Variants in PPP1R9A observed in about 807,000 individuals in gnomAD.
The protein encoded by PPP1R9A is protein phosphatase 1 regulatory subunit 9A, also known as neurabin-1.
A neutral mutation model predicts 141.9 loss-of-function variants in PPP1R9A; 59 were observed. The ratio of observed to expected loss-of-function variants is 0.42; its 90% CI spans 0.34 to 0.52. PPP1R9A has a LOEUF of 0.52. Ranked by LOEUF, PPP1R9A falls within the 20% of genes least tolerant of loss-of-function variation. PPP1R9A has a pLI of 0.10. For synonymous variants in PPP1R9A, 500 were observed against 569.7 expected (o/e 0.88, Z 1.74); for missense variants, 1,444 against 1,611.9 (o/e 0.90, Z 1.78).
At chr7:95,045,959 A>T (rs1809948538) in intron 2 of PPP1R9A, among the ~76,000 whole-genome samples, 2 of 152,254 alleles carry the variant, frequency 1.3e-5, no homozygotes, top group Admixed American at 1.3e-4. Context: ...AACACATACC[A>T]GGCTACTAAA....
intron 7 of PPP1R9A, among the ~76,000 whole-genome samples, chr7:95,221,606 A>T (rs1794465918): frequency 6.6e-6 from 1 of 152,086 alleles, no homozygotes. Context: ...ATATTAAGTG[A>T]TGTAATATGT....
At chr7:95,184,686 T>C (rs964956601) in intron 5 of PPP1R9A, among the ~76,000 whole-genome samples, 6 of 152,306 alleles carry the variant, frequency 3.9e-5, no homozygotes, top group Non-Finnish European at 8.8e-5. Context: ...CTTCATAGCT[T>C]AGCTCCCACA....
chr7:95,050,325 A>G (rs1031645376), intron 2 of PPP1R9A, among the ~76,000 whole-genome samples: 1 of 152,026 alleles, frequency 6.6e-6, no homozygotes, highest in Non-Finnish European at 1.5e-5. Context: ...TTGTTTTGTT[A>G]TTGTTGGCTT....
chr7:95,265,194 T>G (rs535385296), intron 12 of PPP1R9A, among the ~76,000 whole-genome samples: 1 of 152,286 alleles, frequency 6.6e-6, no homozygotes, highest in East Asian at 1.9e-4. Context: ...CCTTGACATG[T>G]GCTTTTGTTG....
chr7:95,230,447 AATAG>A, intron 8 of PPP1R9A, among the ~76,000 whole-genome samples: 1 of 152,194 alleles, frequency 6.6e-6, no homozygotes, highest in Admixed American at 6.6e-5. Flanking sequence ...TTTTCAGTGA[AATAG>A]ATAGCATAAA....
rs148434849 is a variant in PPP1R9A at position 95,111,325 on chromosome 7, T to A, written c.1462T>A (p.Ser488Thr). 1 of 1,613,602 alleles carries A rather than the reference T, an allele frequency of 6.2e-7. No individual in the cohort carries two copies. Among genetic ancestry groups the A allele is most frequent in the African/African-American group, 1.3e-5 (1 of 75,026 alleles). The change falls in exon 3 of 20, where the codon TCA becomes ACA. Residue 488 changes from serine (S) to threonine (T), a missense_variant. By Grantham distance (58) the Ser-to-Thr change is moderately conservative. Around this residue, in one of 5 missense-constraint regions of PPP1R9A, gnomAD observed 488 missense variants for 542.0 expected, o/e 0.90. Transcript: ENST00000433360. ...TGACGAAGTTGACCCTGTGGCTGCTTCAGCTGAGTATGAACTTGAAAAACG... is the reference window on the plus strand; with the variant it reads ...TGACGAAGTTGACCCTGTGGCTGCTACAGCTGAGTATGAACTTGAAAAACG... The part of the protein sequence containing the change: ...RNDEVDPVAA[S>T]AEYELEKRVE...
At chr7:95,054,241 G>A (rs546034472) in intron 2 of PPP1R9A, among the ~76,000 whole-genome samples, 1 of 150,404 alleles carries the variant, frequency 6.6e-6, no homozygotes, top group Admixed American at 6.6e-5. Context: ...TTGGCCTCCC[G>A]AGTAGCTGAG....
intron 9 of PPP1R9A, among the ~76,000 whole-genome samples, chr7:95,248,879 A>T (rs1032074950): frequency 6.6e-6 from 1 of 152,170 alleles, no homozygotes. Flanking sequence ...TTAGTTAAAA[A>T]TATTTGCAAA....
chr7:95,172,997 A>G (rs1249354912), intron 5 of PPP1R9A, among the ~76,000 whole-genome samples: 2 of 151,888 alleles, frequency 1.3e-5, no homozygotes, highest in African/African-American at 2.4e-5. Flanking sequence ...AAAAAATTAA[A>G]TAGTCTCATT....
intron 8 of PPP1R9A, among the ~76,000 whole-genome samples, chr7:95,239,424 A>G (rs1295329207): frequency 1.3e-5 from 2 of 152,152 alleles, no homozygotes; most frequent in African/African-American, 2.4e-5. Flanking sequence ...CTTTAAAATA[A>G]TATAATCACC....
intron 5 of PPP1R9A, among the ~76,000 whole-genome samples, chr7:95,177,175 A>T (rs921389037): frequency 6.6e-6 from 1 of 152,194 alleles, no homozygotes; most frequent in Non-Finnish European, 1.5e-5. Flanking sequence ...ACTTCTCAGC[A>T]GAAACCCTAC....
chr7:95,274,308 CAATT>C, intron 16 of PPP1R9A, 140 bp downstream of exon 16: 1 of 781,602 alleles, frequency 1.3e-6, no homozygotes, highest in South Asian at 1.9e-5. Flanking sequence ...AAAAATTGCA[CAATT>C]AGTTTATATT....
intron 5 of PPP1R9A, among the ~76,000 whole-genome samples, chr7:95,169,093 T>C (rs1470438510): frequency 6.6e-6 from 1 of 152,092 alleles, no homozygotes; most frequent in Non-Finnish European, 1.5e-5. Context: ...TCAGTGTTTA[T>C]TGCAGCACTA....
At chr7:94,982,135 C>G (rs564225356) in intron 2 of PPP1R9A, among the ~76,000 whole-genome samples, 12 of 152,218 alleles carry the variant, frequency 7.9e-5, no homozygotes, top group African/African-American at 1.7e-4. Flanking sequence ...TCATCCATGT[C>G]CCTACAAAGG....
intron 2 of PPP1R9A, among the ~76,000 whole-genome samples, chr7:95,066,724 A>T (rs911513545): frequency 6.6e-6 from 1 of 152,220 alleles, no homozygotes; most frequent in African/African-American, 2.4e-5. Flanking sequence ...TAATCAATCC[A>T]GGAGGTCCAA....
In PPP1R9A at chr7:95,094,404, T is replaced by A. The variant is rs79877656; in HGVS notation, c.1396-16855T>A. ...AAATCATTCGTAAATTCATTCTCTC[T>A]CCTCTGTCACTCTACTCCATCCCGT... On this transcript the variant is annotated intron_variant, in intron 2 of 19. Coordinates refer to ENST00000433360, the MANE Select transcript of PPP1R9A (RefSeq NM_001166160.2). Among the ~76,000 whole-genome samples the A allele has an allele frequency of 7.7e-3, 1,174 of 152,306 alleles. 16 individuals carry two copies. The highest frequency in any genetic ancestry group is 0.027 in the African/African-American group (1,124 of 41,554).
At chr7:95,202,734 T>C (rs1051843677) in intron 6 of PPP1R9A, 1 of 227,778 alleles carries the variant, frequency 4.4e-6, no homozygotes, top group Non-Finnish European at 7.3e-6. Flanking sequence ...AGTGAGATGA[T>C]GTAATTATGG....
chr7:95,057,583 G>A (rs1300766894), intron 2 of PPP1R9A, among the ~76,000 whole-genome samples: 2 of 151,998 alleles, frequency 1.3e-5, no homozygotes, highest in Admixed American at 1.3e-4. Context: ...GATGAATTTA[G>A]GTACATTAAA....
rs1425056708 is a variant in PPP1R9A, at chr7:95,274,137, A to G, written c.3265A>G (p.Lys1089Glu). The change falls in exon 16 of 20, where the codon AAA (lysine) becomes GAA (glutamate). Residue 1089 changes from lysine (K) to glutamate (E), a missense_variant. Transcript: ENST00000433360. ...GGGAAAGAAGTGGAAAGAAAAAGAA[A>G]AAGAAGCCAGTAGGTTTTCTGCAGG... is the stretch of plus-strand genomic sequence containing the variant. The part of the protein sequence containing the change: ...SKGKKWKEKE[K>E]EASRFSAGSR... 1 of 1,582,614 alleles carries G rather than the reference A, an allele frequency of 6.3e-7. No individual in the cohort carries two copies. The highest frequency in any genetic ancestry group is 1.1e-5 in the South Asian group (1 of 88,108).
Sources: gnomAD v4.1 joint callset for allele counts (sites outside exome capture counted in the v4.1 genomes callset) on GRCh38, gnomAD v4.1.1 for gene constraint, gnomAD v4.1.1 regional missense constraint, MANE v1.5 for transcripts, NCBI Gene and HGNC (gene_info 2026-07-23, HGNC 2026-07-21) for gene names.